Variants in GP6 observed in about 807,000 individuals in gnomAD.
GP6 encodes the protein glycoprotein VI platelet.
Under a neutral mutation model 37.3 loss-of-function variants are expected in GP6, and 45 were observed. That is an observed-to-expected ratio of 1.21 (90% CI 0.95 to 1.55). GP6 has a LOEUF of 1.55. Among genes scored for constraint, GP6 ranks in the 40% most tolerant of loss-of-function variants. The probability of loss-of-function intolerance (pLI) is 0.00; values close to 1 mark genes in which losing one functional copy is unlikely to be tolerated. For synonymous variants in GP6, 340 were observed against 316.4 expected (o/e 1.07, Z -0.79); for missense variants, 813 against 760.2 (o/e 1.07, Z -0.82).
intron 6 of GP6, 115 bp from the exon 7 acceptor site, chr19:55,015,848 A>G (rs2146702542): frequency 1.4e-6 from 1 of 735,384 alleles, no homozygotes; most frequent in South Asian, 1.4e-5. Flanking sequence ...GCATTTAAGA[A>G]AAGCATGGGC....
intron 1 of GP6, 148 bp from the exon 2 acceptor site, chr19:55,032,686 G>A: frequency 1.0e-5 from 9 of 878,328 alleles, no homozygotes; most frequent in Non-Finnish European, 1.7e-5. Context: ...TAATTTAAGT[G>A]AGAGAAACCG....
At chr19:55,015,529 C>T in intron 7 of GP6, 154 bp downstream of exon 7, 1 of 676,566 alleles carries the variant, frequency 1.5e-6, no homozygotes, top group Non-Finnish European at 2.7e-6. Context: ...GATCTTAATG[C>T]CCAATTCTGA....
intron 1 of GP6, among the ~76,000 whole-genome samples, chr19:55,036,675 G>A (rs1172593669): frequency 1.3e-5 from 2 of 152,030 alleles, no homozygotes; most frequent in African/African-American, 4.8e-5. Context: ...CTCCTGCCTG[G>A]GTGACAGAAG....
intron 6 of GP6, among the ~76,000 whole-genome samples, chr19:55,016,781 A>C (rs2146710718): frequency 6.6e-6 from 1 of 151,868 alleles, no homozygotes; most frequent in African/African-American, 2.4e-5. Flanking sequence ...GCCAGGCATG[A>C]CACTGGCTGA....
At chr19:55,018,761 C>A in intron 5 of GP6, 50 bp from the exon 6 acceptor site, 1 of 1,179,502 alleles carries the variant, frequency 8.5e-7, no homozygotes, top group Non-Finnish European at 1.3e-6. Context: ...CCTATATCCT[C>A]TAGATATCTC....
chr19:55,017,449 G>A (rs2073917459), intron 6 of GP6, among the ~76,000 whole-genome samples: 1 of 152,100 alleles, frequency 6.6e-6, no homozygotes, highest in African/African-American at 2.4e-5. Context: ...ACAAGACACT[G>A]AGCGAGAGCA....
At chr19:55,031,728 G>C (rs185100438) in intron 3 of GP6, among the ~76,000 whole-genome samples, 158 of 152,314 alleles carry the variant, frequency 1.0e-3, no homozygotes, top group African/African-American at 3.4e-3. Context: ...AGACCAGCCT[G>C]AGCAACATAG....
chr19:55,034,324 G>A lies in GP6; in HGVS notation c.35-1786C>T, dbSNP rs562752830. ...ATAATCCCAGCACTTTGGGAGGCCA[G>A]GGTGGGCGGATCACAAGGTCAGGAG... On this transcript the variant is annotated intron_variant, in intron 1 of 7. Transcript: ENST00000310373. 2.4e-4 allele frequency among the ~76,000 whole-genome samples: 36 copies of A among 152,170 alleles called. No homozygotes were observed. The East Asian group carries it at 6.4e-3, about 27-fold the overall frequency.
chr19:55,034,126 G>GTATGTA, intron 1 of GP6, among the ~76,000 whole-genome samples: 1 of 42,598 alleles, frequency 2.3e-5, no homozygotes, highest in African/African-American at 7.9e-5. Flanking sequence ...ACGTGTATAT[G>GTATGTA]TATGTATATG....
intron 5 of GP6, 79 bp from the exon 6 acceptor site, chr19:55,018,790 T>G (rs2073968652): frequency 2.1e-6 from 2 of 964,924 alleles, no homozygotes; most frequent in African/African-American, 3.2e-5. Context: ...TTTTGAGATA[T>G]CTAGGCTCCC....
At chr19:55,032,418 G>A in intron 2 of GP6, 22 bp from the exon 3 acceptor site, 1 of 1,611,586 alleles carries the variant, frequency 6.2e-7, no homozygotes, top group African/African-American at 1.3e-5. Context: ...GCAGGGCTGG[G>A]TCAGCCTCCC....
At chr19:55,021,996 G>GT (rs2074105203) in intron 5 of GP6, among the ~76,000 whole-genome samples, 3 of 151,338 alleles carry the variant, frequency 2.0e-5, no homozygotes, top group Non-Finnish European at 4.4e-5. Context: ...ACTTTTTAAT[G>GT]GTTTTTTTTT....
chr19:55,024,363 T>TGCACGCACACACGCAC (rs1568613756), intron 5 of GP6, among the ~76,000 whole-genome samples: 74 of 143,706 alleles, frequency 5.1e-4, no homozygotes, highest in Admixed American at 7.5e-4. Context: ...CACACACACA[T>TGCACGCACACACGCAC]ATGCACGCAC....
chr19:55,034,722 C>CACACAG (rs1056806255), intron 1 of GP6, among the ~76,000 whole-genome samples: 61 of 151,354 alleles, frequency 4.0e-4, no homozygotes, highest in Non-Finnish European at 6.2e-4. Context: ...TTCTTACACA[C>CACACAG]ACACACACAC....
At position 55,024,306 on chromosome 19, in the gene GP6, A is replaced by ACACACGCACG. The variant is rs1349547133; in HGVS notation, c.664+911_664+912insCGTGCGTGTG. Among the ~76,000 whole-genome samples the ACACACGCACG allele has an allele frequency of 5.9e-3, 840 of 141,976 alleles. 25 individuals are homozygous for ACACACGCACG. Among genetic ancestry groups the ACACACGCACG allele is most frequent in the Non-Finnish European group, 7.5e-3 (495 of 65,830 alleles). 93.1% of individuals were successfully genotyped at this position (141,976 alleles called of 152,430 possible). On this transcript the variant is annotated intron_variant, in intron 5 of 7. Transcript: ENST00000310373. ...CACACACATATGCACGCATGCACAC[A>ACACACGCACG]CATATGCACGCACACACACATATGC... is the stretch of plus-strand genomic sequence containing the variant.
chr19:55,021,216 A>AG (rs1393090598), intron 5 of GP6, among the ~76,000 whole-genome samples: 1 of 148,162 alleles, frequency 6.7e-6, no homozygotes, highest in Admixed American at 6.7e-5. Flanking sequence ...AAAAAAAAAA[A>AG]AGCCAGGCAT....
chr19:55,017,756 G>C (rs2073929441), intron 6 of GP6, among the ~76,000 whole-genome samples: 1 of 152,086 alleles, frequency 6.6e-6, no homozygotes, highest in Admixed American at 6.6e-5. Context: ...ACTGAAGATA[G>C]GGAAGGCTTC....
chr19:55,025,532 C>A (rs1373040804), intron 4 of GP6, among the ~76,000 whole-genome samples: 3 of 151,946 alleles, frequency 2.0e-5, no homozygotes, highest in African/African-American at 4.8e-5. Flanking sequence ...ATGGTGAAAC[C>A]CCGTCTCCAC....
chr19:55,017,202 C>T (rs754515873), intron 6 of GP6, among the ~76,000 whole-genome samples: 1 of 151,516 alleles, frequency 6.6e-6, no homozygotes, highest in Non-Finnish European at 1.5e-5. Context: ...CTGCAACCTC[C>T]AACTCGTGAG....
Sources: allele counts gnomAD v4.1 joint callset (sites outside exome capture counted in the v4.1 genomes callset), GRCh38; gene constraint gnomAD v4.1.1; transcripts MANE v1.5; gene names NCBI Gene and HGNC (gene_info 2026-07-23, HGNC 2026-07-21).